The following EGFLAM variants were observed in gnomAD, a reference collection of about 807,000 sequenced individuals.
EGFLAM encodes the protein pikachurin.
Under a neutral mutation model 113.1 loss-of-function variants are expected in EGFLAM, and 79 were observed. The ratio of observed to expected loss-of-function variants is 0.70; its 90% CI spans 0.58 to 0.84. EGFLAM has a LOEUF of 0.84. Ranked by LOEUF, EGFLAM falls within the 40% of genes least tolerant of loss-of-function variation. The pLI, the probability that EGFLAM is intolerant of heterozygous loss-of-function variation, is 0.00. For synonymous variants in EGFLAM, 504 were observed against 487.6 expected (o/e 1.03, Z -0.44); for missense variants, 1,265 against 1,291.6 (o/e 0.98, Z 0.32).
At chr5:38,277,703 T>C (rs1757919696) in intron 1 of EGFLAM, among the ~76,000 whole-genome samples, 1 of 152,082 alleles carries the variant, frequency 6.6e-6, no homozygotes, top group South Asian at 2.1e-4. Context: ...TAAAAATCAG[T>C]AAAGTTGCAG....
intron 1 of EGFLAM, among the ~76,000 whole-genome samples, chr5:38,294,221 G>T (rs1222196163): frequency 6.6e-6 from 1 of 152,108 alleles, no homozygotes; most frequent in Non-Finnish European, 1.5e-5. Flanking sequence ...CAGGCCAAGG[G>T]GGCATCAGTT....
intron 9 of EGFLAM, 46 bp from the exon 10 acceptor site, chr5:38,408,958 G>A: frequency 1.4e-6 from 2 of 1,475,756 alleles, no homozygotes; most frequent in South Asian, 2.4e-5. Context: ...CCTTAAGGAA[G>A]GGGAGGTGCT....
chr5:38,332,567 C>T (rs1003022565), intron 1 of EGFLAM, among the ~76,000 whole-genome samples: 5 of 152,192 alleles, frequency 3.3e-5, no homozygotes, highest in Non-Finnish European at 7.3e-5. Flanking sequence ...TCAGGGGACT[C>T]ACAGCCTTCA....
At chr5:38,456,244 T>C (rs924507963) in intron 19 of EGFLAM, among the ~76,000 whole-genome samples, 1 of 152,176 alleles carries the variant, frequency 6.6e-6, no homozygotes, top group Non-Finnish European at 1.5e-5. Context: ...TATCCCCGTT[T>C]GACAGATGAG....
intron 6 of EGFLAM, among the ~76,000 whole-genome samples, chr5:38,379,612 G>A (rs1740457011): frequency 1.3e-5 from 2 of 151,902 alleles, no homozygotes; most frequent in Non-Finnish European, 2.9e-5. Context: ...CTCCCTGAAT[G>A]TGCTGCTCCC....
In EGFLAM at chr5:38,435,185, G is replaced by C. The variant is rs760746979; in HGVS notation, c.2215G>C (p.Val739Leu). The change falls in exon 16 of 22, where the codon GTC (valine) becomes CTC (leucine). Residue 739 changes from valine (V) to leucine (L), a missense_variant. Val to Leu is a conservative substitution (Grantham distance 32, BLOSUM62 1). Coordinates refer to ENST00000322350, the MANE Select transcript of EGFLAM (RefSeq NM_152403.4). ...CAACACAGACATTTTCATTGGCGGA[G>C]TCCCCAATTATGATGATGTGAAGAA... ...KCNTDIFIGG[V>L]PNYDDVKKNS... is the part of the protein sequence containing the mutation. 2 of 1,614,152 alleles carry C rather than the reference G, an allele frequency of 1.2e-6. No individual in the cohort carries two copies. The highest frequency in any genetic ancestry group is 2.2e-5 in the South Asian group (2 of 91,078).
chr5:38,442,985 G>C (rs1168389962), intron 17 of EGFLAM, among the ~76,000 whole-genome samples: 1 of 152,230 alleles, frequency 6.6e-6, no homozygotes, highest in Admixed American at 6.5e-5. Flanking sequence ...TTAGAGTCAG[G>C]CCAGGCGCAG....
chr5:38,395,467 A>G (rs546934485), intron 6 of EGFLAM, among the ~76,000 whole-genome samples: 57 of 152,098 alleles, frequency 3.7e-4, no homozygotes, highest in African/African-American at 1.3e-3. Context: ...CCCAGGCTAG[A>G]TATAGGATTT....
At chr5:38,436,445 G>A (rs1742353832) in intron 16 of EGFLAM, among the ~76,000 whole-genome samples, 2 of 152,046 alleles carry the variant, frequency 1.3e-5, no homozygotes, top group Non-Finnish European at 2.9e-5. Flanking sequence ...ATCTCGCATC[G>A]CAGTGTCAGG....
At chr5:38,430,257 G>A (rs922629421) in intron 14 of EGFLAM, 1 of 152,242 alleles carries the variant, frequency 6.6e-6, no homozygotes, top group African/African-American at 2.4e-5. Context: ...CAAATAATTT[G>A]TTTTTTACAT....
At chr5:38,305,551 T>A in intron 1 of EGFLAM, 1 of 417,928 alleles carries the variant, frequency 2.4e-6, no homozygotes, top group South Asian at 1.8e-5. Flanking sequence ...AGAATAATAG[T>A]GGGAAGGAGA....
chr5:38,432,341 G>A (rs1185528095), intron 15 of EGFLAM, among the ~76,000 whole-genome samples: 1 of 152,162 alleles, frequency 6.6e-6, no homozygotes, highest in Non-Finnish European at 1.5e-5. Context: ...CCAGAAGCCA[G>A]CCTGAGGGGC....
intron 20 of EGFLAM, among the ~76,000 whole-genome samples, 173 bp downstream of exon 20, chr5:38,458,567 G>A (rs1743167089): frequency 6.6e-6 from 1 of 152,176 alleles, no homozygotes; most frequent in Admixed American, 6.5e-5. Context: ...GCCCTACATT[G>A]ACACTATCAG....
chr5:38,296,404 A>C (rs1758453911), intron 1 of EGFLAM, among the ~76,000 whole-genome samples: 1 of 152,154 alleles, frequency 6.6e-6, no homozygotes, highest in Non-Finnish European at 1.5e-5. Flanking sequence ...TTGACTCTGA[A>C]GTCCATGCTG....
At chr5:38,367,249 C>T (rs1032350225) in intron 5 of EGFLAM, among the ~76,000 whole-genome samples, 3 of 151,072 alleles carry the variant, frequency 2.0e-5, no homozygotes, top group African/African-American at 7.3e-5. Context: ...CAAGCTCAAG[C>T]AATCCTCCCA....
At chr5:38,385,278 AC>A (rs1232044947) in intron 6 of EGFLAM, among the ~76,000 whole-genome samples, 6,977 of 41,136 alleles carry the variant, frequency 0.17, 337 homozygotes, top group African/African-American at 0.23. Context: ...TTTCCCACCC[AC>A]CCCCCCCCCC....
In EGFLAM at chr5:38,338,765, G is replaced by A. The variant is rs373379185; in HGVS notation, c.275G>A (p.Arg92Gln). 2.0e-5 allele frequency: 33 copies of A among 1,614,040 alleles called. No homozygotes were observed. Among genetic ancestry groups the A allele is most frequent in the African/African-American group, 1.3e-4 (10 of 74,932 alleles). Reference protein sequence around the residue: ...QEQLHSVPLSRDIPTTEEVIG... With the variant: ...QEQLHSVPLSQDIPTTEEVIG... The stretch of plus-strand genomic sequence containing the variant: ...CAGTTGCACAGCGTGCCTCTCAGCC[G>A]GGACATCCCGACCACGGTGAGTCTT... Residue 92 changes from arginine to glutamine, a missense_variant, in exon 3 of 22, where the codon CGG (arginine) becomes CAG (glutamine). Physicochemically the swap from Arg to Gln is conservative, Grantham distance 43. Coordinates refer to ENST00000322350, the MANE Select transcript of EGFLAM (RefSeq NM_152403.4).
intron 6 of EGFLAM, among the ~76,000 whole-genome samples, chr5:38,399,276 C>T (rs200707500): frequency 5.7e-5 from 7 of 123,418 alleles, no homozygotes; most frequent in South Asian, 2.4e-4. Flanking sequence ...TTTTTGTTTT[C>T]GTTTTTTTTT....
intron 1 of EGFLAM, among the ~76,000 whole-genome samples, chr5:38,263,996 A>G (rs1579699631): frequency 6.6e-6 from 1 of 152,166 alleles, no homozygotes; most frequent in African/African-American, 2.4e-5. Flanking sequence ...TAGATAGGGT[A>G]TAGATCGTTT....
Sources: allele counts gnomAD v4.1 joint callset (sites outside exome capture counted in the v4.1 genomes callset), GRCh38; gene constraint gnomAD v4.1.1; transcripts MANE v1.5; gene names NCBI Gene and HGNC (gene_info 2026-07-23, HGNC 2026-07-21).